PSD3: variants seen among roughly 807,000 people sequenced by gnomAD.
PSD3 encodes the protein PH and SEC7 domain-containing protein 3.
PSD3 carries 49 observed loss-of-function variants against 105.5 expected under a neutral mutation model. That is an observed-to-expected ratio of 0.46 (90% CI 0.37 to 0.59). The LOEUF (loss-of-function observed/expected upper bound fraction) is 0.59. PSD3 is among the 20% of genes least tolerant of loss of function. PSD3 has a pLI of 0.00. For synonymous variants in PSD3, 557 were observed against 457.8 expected (o/e 1.22, Z -2.77); for missense variants, 1,561 against 1,263.8 (o/e 1.24, Z -3.57).
chr8:18,952,388 G>A (rs907611289), intron 1 of PSD3, among the ~76,000 whole-genome samples: 2 of 152,264 alleles, frequency 1.3e-5, no homozygotes, highest in African/African-American at 4.8e-5. Flanking sequence ...AAAAATAACA[G>A]AGCTCCAAAT....
intron 1 of PSD3, among the ~76,000 whole-genome samples, chr8:18,960,290 T>C (rs1823833792): frequency 6.6e-6 from 1 of 152,288 alleles, no homozygotes; most frequent in South Asian, 2.1e-4. Flanking sequence ...GAAGGAATCT[T>C]AAGAAAGAGA....
intron 4 of PSD3, among the ~76,000 whole-genome samples, chr8:18,815,749 C>T (rs1428461573): frequency 2.2e-5 from 3 of 136,918 alleles, no homozygotes; most frequent in African/African-American, 5.6e-5. Flanking sequence ...ACGACATGGC[C>T]GTACGGTCTC....
At chr8:18,981,813 G>A (rs527938065) in intron 1 of PSD3, among the ~76,000 whole-genome samples, 1 of 152,178 alleles carries the variant, frequency 6.6e-6, no homozygotes, top group Non-Finnish European at 1.5e-5. Context: ...ACAATCATCT[G>A]AGGCTTCAGT....
At chr8:18,566,972 G>A (rs540558098) in intron 14 of PSD3, among the ~76,000 whole-genome samples, 6 of 152,196 alleles carry the variant, frequency 3.9e-5, no homozygotes, top group South Asian at 2.1e-4. Flanking sequence ...TCATTTTCAC[G>A]TACATATCAC....
chr8:18,627,823 C>A, intron 11 of PSD3, among the ~76,000 whole-genome samples: 1 of 149,932 alleles, frequency 6.7e-6, no homozygotes. Flanking sequence ...AAAAAACCAA[C>A]TATGACTAAA....
intron 2 of PSD3, among the ~76,000 whole-genome samples, chr8:18,874,974 A>C (rs1227024532): frequency 3.9e-5 from 6 of 152,062 alleles, no homozygotes. Context: ...GGAGTGTGGG[A>C]GTGCGAACAT....
intron 9 of PSD3, among the ~76,000 whole-genome samples, chr8:18,658,896 C>T (rs1256991266): frequency 6.6e-6 from 1 of 152,140 alleles, no homozygotes; most frequent in Middle Eastern, 3.2e-3. Flanking sequence ...ATCTGCAGTC[C>T]TTGTTTCTCC....
At chr8:18,574,062 C>A (rs530164661) in intron 13 of PSD3, among the ~76,000 whole-genome samples, 26 of 152,168 alleles carry the variant, frequency 1.7e-4, no homozygotes, top group African/African-American at 5.8e-4. Flanking sequence ...AGATTCACAG[C>A]ACTTAATAAA....
intron 9 of PSD3, among the ~76,000 whole-genome samples, chr8:18,754,201 T>C (rs961125649): frequency 3.3e-5 from 5 of 152,112 alleles, no homozygotes; most frequent in Non-Finnish European, 7.4e-5. Context: ...CTGACCAATA[T>C]GGTGAAACCC....
intron 10 of PSD3, among the ~76,000 whole-genome samples, chr8:18,648,228 G>A (rs1299858391): frequency 6.6e-6 from 1 of 152,220 alleles, no homozygotes; most frequent in Non-Finnish European, 1.5e-5. Context: ...GAAGATGAGG[G>A]AAAGTTTGAG....
intron 3 of PSD3, among the ~76,000 whole-genome samples, chr8:18,869,390 G>C (rs1817174004): frequency 6.6e-6 from 1 of 151,926 alleles, no homozygotes; most frequent in African/African-American, 2.4e-5. Context: ...AGTTAGCCAG[G>C]CTGGTCTCAA....
chr8:18,566,333 T>A (rs866763120), intron 14 of PSD3, among the ~76,000 whole-genome samples: 8 of 152,142 alleles, frequency 5.3e-5, no homozygotes, highest in Non-Finnish European at 1.0e-4. Flanking sequence ...GAGACCATCA[T>A]TGCTAACACG....
intron 8 of PSD3, among the ~76,000 whole-genome samples, chr8:18,790,840 C>A (rs73666719): frequency 2.0e-5 from 3 of 151,158 alleles, no homozygotes; most frequent in Non-Finnish European, 4.4e-5. Flanking sequence ...AAAACATAGA[C>A]CAAAAGCTTC....
chr8:18,742,201 T>C (rs1472367509), intron 9 of PSD3, among the ~76,000 whole-genome samples: 1 of 152,208 alleles, frequency 6.6e-6, no homozygotes, highest in African/African-American at 2.4e-5. Flanking sequence ...CCTTGCAATA[T>C]ACCTCTTTAA....
intron 2 of PSD3, among the ~76,000 whole-genome samples, chr8:18,908,570 C>T (rs1210443836): frequency 1.3e-5 from 2 of 152,196 alleles, no homozygotes; most frequent in African/African-American, 2.4e-5. Context: ...ATATCCCTGA[C>T]TTCCCGTTCT....
chr8:18,616,709 C>T (rs887412136), intron 11 of PSD3, among the ~76,000 whole-genome samples: 5 of 144,864 alleles, frequency 3.5e-5, no homozygotes, highest in Admixed American at 7.0e-5. Flanking sequence ...CTGCAAGCTC[C>T]GCCTCCCGGG....
At chr8:18,780,846 G>A (rs1017371268) in intron 8 of PSD3, among the ~76,000 whole-genome samples, 8 of 152,114 alleles carry the variant, frequency 5.3e-5, no homozygotes, top group African/African-American at 1.7e-4. Flanking sequence ...GAGCCACCGC[G>A]CCTGGCCCAG....
At chr8:18,555,423 G>GAAAAA (rs147449647) in intron 15 of PSD3, among the ~76,000 whole-genome samples, 2 of 147,152 alleles carry the variant, frequency 1.4e-5, no homozygotes, top group Non-Finnish European at 3.0e-5. Flanking sequence ...ACACCCACCA[G>GAAAAA]AAAAAAAAAC....
At chr8:18,741,624 A>G (rs781172186) in intron 9 of PSD3, among the ~76,000 whole-genome samples, 8 of 152,324 alleles carry the variant, frequency 5.3e-5, no homozygotes, top group South Asian at 2.1e-4. Flanking sequence ...CACTAGCTAC[A>G]TATGTCGGCA....
Sources: allele counts gnomAD v4.1 joint callset (sites outside exome capture counted in the v4.1 genomes callset), GRCh38; gene constraint gnomAD v4.1.1; transcripts MANE v1.5; gene names NCBI Gene and HGNC (gene_info 2026-07-23, HGNC 2026-07-21).